SHANK2: variants seen among roughly 807,000 people sequenced by gnomAD.
SHANK2 encodes the protein SH3 and multiple ankyrin repeat domains 2.
A neutral mutation model predicts 133.7 loss-of-function variants in SHANK2; 43 were observed. The observed-to-expected ratio is 0.32, with a 90% confidence interval of 0.25 to 0.41. The LOEUF (loss-of-function observed/expected upper bound fraction) is 0.41, where lower values mean the gene tolerates loss of function less well. SHANK2 is among the 10% of genes least tolerant of loss of function. The pLI is 1.00. For synonymous variants in SHANK2, 1,017 were observed against 952.8 expected (o/e 1.07, Z -1.24); for missense variants, 1,994 against 2,235.8 (o/e 0.89, Z 2.18).
intron 12 of SHANK2, among the ~76,000 whole-genome samples, chr11:70,818,826 C>G (rs1555055089): frequency 6.6e-6 from 1 of 152,234 alleles, no homozygotes; most frequent in African/African-American, 2.4e-5. Flanking sequence ...CCGGCATGTT[C>G]TCCCCACAAA....
At chr11:70,585,743 C>T (rs1554986555) in intron 17 of SHANK2, among the ~76,000 whole-genome samples, 1 of 151,832 alleles carries the variant, frequency 6.6e-6, no homozygotes, top group Non-Finnish European at 1.5e-5. Context: ...AACTAGCCAT[C>T]CATCCATCCA....
At chr11:70,852,062 T>C (rs562105691) in intron 11 of SHANK2, among the ~76,000 whole-genome samples, 16 of 152,312 alleles carry the variant, frequency 1.1e-4, no homozygotes, top group African/African-American at 3.6e-4. Flanking sequence ...TGGGCCACTC[T>C]GTGCCCAGGG....
chr11:70,812,143 C>T lies in SHANK2; in HGVS notation c.1494-4972G>A, dbSNP rs368552077. 4.8e-4 allele frequency among the ~76,000 whole-genome samples: 73 copies of T among 152,342 alleles called. 1 individual carries two copies. Among genetic ancestry groups the T allele is most frequent in the African/African-American group, 1.5e-3 (64 of 41,576 alleles). ...CACTGGTCCAGCTGGCACCAGAGTG[C>T]GTGTCACTTGACAGAGAAGTCAAAG... On this transcript the variant is annotated intron_variant, in intron 12 of 25. Transcript: ENST00000601538.
chr11:70,652,440 A>G (rs2061348992), intron 17 of SHANK2, among the ~76,000 whole-genome samples: 1 of 152,182 alleles, frequency 6.6e-6, no homozygotes. Flanking sequence ...CCGTTTGTTC[A>G]ACTAATAGCC....
chr11:70,837,639 A>G (rs1388343874), intron 11 of SHANK2, among the ~76,000 whole-genome samples: 1 of 152,130 alleles, frequency 6.6e-6, no homozygotes, highest in African/African-American at 2.4e-5. Flanking sequence ...GTCTGTCTTA[A>G]TCACCACTGC....
intron 17 of SHANK2, chr11:70,635,346 G>A (rs1404177235): frequency 6.6e-6 from 1 of 152,232 alleles, no homozygotes; most frequent in Non-Finnish European, 1.5e-5. Flanking sequence ...AAAAGGTGGT[G>A]TTTCCGTAGA....
At chr11:70,503,716 G>A (rs1349775580) in intron 17 of SHANK2, among the ~76,000 whole-genome samples, 5 of 152,202 alleles carry the variant, frequency 3.3e-5, no homozygotes, top group African/African-American at 7.2e-5. Context: ...AAGTAGGAAC[G>A]GACTCAGGGT....
At chr11:71,104,433 T>C (rs2135183625) in intron 6 of SHANK2, among the ~76,000 whole-genome samples, 1 of 152,332 alleles carries the variant, frequency 6.6e-6, no homozygotes, top group South Asian at 2.1e-4. Flanking sequence ...AGGTAGTGTC[T>C]GCATTTCAGT....
At chr11:70,482,505 GT>G in intron 25 of SHANK2, among the ~76,000 whole-genome samples, 1 of 152,194 alleles carries the variant, frequency 6.6e-6, no homozygotes, top group East Asian at 1.9e-4. Context: ...AGCTCCATGG[GT>G]TGGAGGTCTA....
chr11:70,896,796 T>TTC (rs1949941498), intron 10 of SHANK2, among the ~76,000 whole-genome samples: 2 of 152,306 alleles, frequency 1.3e-5, no homozygotes, highest in South Asian at 4.2e-4. Flanking sequence ...CTACAACCTA[T>TTC]ATGAGTGGGG....
intron 2 of SHANK2, among the ~76,000 whole-genome samples, chr11:71,209,606 C>T (rs1555118545): frequency 6.6e-6 from 1 of 152,210 alleles, no homozygotes; most frequent in Non-Finnish European, 1.5e-5. Context: ...TCTGGGAGAG[C>T]TGCAAAGCCA....
chr11:70,540,667 A>C (rs182330785), intron 17 of SHANK2, among the ~76,000 whole-genome samples: 2 of 152,100 alleles, frequency 1.3e-5, no homozygotes, highest in African/African-American at 4.8e-5. Context: ...TCCATATAAC[A>C]TAAAACTTCC....
In SHANK2 at chr11:71,113,198, GC is replaced by G. The variant is rs568819467; in HGVS notation, c.483+94del. On this transcript the variant is annotated intron_variant, in intron 5 of 25. Transcript: ENST00000601538. ...ACGCCATGCCAGGTACACAGCAGGT[GC>G]CCCTGGAAGAGGAGCGTCTAAAGAT... 2.4e-4 allele frequency: 261 copies of G among 1,092,044 alleles called. 4 individuals are homozygous for G. The South Asian group carries it at 3.4e-3, about 14-fold the overall frequency. 67.6% of individuals were successfully genotyped at this position (1,092,044 alleles called of 1,614,324 possible).
rs926896644 is a variant in SHANK2, at chr11:70,633,144, T to C, written c.2061+26684A>G. Among the ~76,000 whole-genome samples, 14 of 150,368 alleles carry C rather than the reference T, an allele frequency of 9.3e-5. No individual in the cohort carries two copies. In the Admixed American group the frequency reaches 9.3e-4, roughly 10 times the overall value. ...ATATAAATACGTTATATATATTATG[T>C]ATGTTATATATAACATATTTATACA... On this transcript the variant is annotated intron_variant, in intron 17 of 25. Transcript: ENST00000601538.
At chr11:70,673,454 C>T (rs1037285944) in intron 15 of SHANK2, among the ~76,000 whole-genome samples, 7 of 152,222 alleles carry the variant, frequency 4.6e-5, no homozygotes, top group South Asian at 2.1e-4. Flanking sequence ...ACCATGCTGG[C>T]GGGCCATGGG....
chr11:70,816,765 C>T (rs901499853), intron 12 of SHANK2, among the ~76,000 whole-genome samples: 2 of 152,190 alleles, frequency 1.3e-5, no homozygotes, highest in Non-Finnish European at 2.9e-5. Context: ...GCCGAATGAG[C>T]GTTTCCCTAT....
chr11:70,767,820 C>G (rs1555041751), intron 14 of SHANK2, among the ~76,000 whole-genome samples: 1 of 152,124 alleles, frequency 6.6e-6, no homozygotes, highest in Admixed American at 6.5e-5. Context: ...GGATTTTGTA[C>G]TTTAAAATGG....
intron 11 of SHANK2, among the ~76,000 whole-genome samples, chr11:70,832,710 C>T (rs1214356770): frequency 1.3e-5 from 2 of 152,036 alleles, no homozygotes; most frequent in African/African-American, 2.4e-5. Context: ...CCAACTCCCA[C>T]CCTACCCCCA....
chr11:70,930,201 G>A (rs1330683702), intron 10 of SHANK2, among the ~76,000 whole-genome samples: 1 of 152,196 alleles, frequency 6.6e-6, no homozygotes, highest in East Asian at 1.9e-4. Context: ...CCCTGGATGA[G>A]GATCAGAAAG....
Sources: allele counts gnomAD v4.1 joint callset (sites outside exome capture counted in the v4.1 genomes callset), GRCh38; gene constraint gnomAD v4.1.1; transcripts MANE v1.5; gene names NCBI Gene and HGNC (gene_info 2026-07-23, HGNC 2026-07-21).